Variants in PCDH11Y observed in about 807,000 individuals in gnomAD.
The protein encoded by PCDH11Y is protocadherin 11 Y-linked, also known as protocadherin-11 Y-linked.
For missense variants in PCDH11Y, 12 were observed against 224.8 expected (o/e 0.05, Z 6.05); for synonymous variants, 9 against 83.6 (o/e 0.11, Z 4.87).
chrY:5,488,420 G>A, intron 2 of PCDH11Y, among the ~76,000 whole-genome samples: 1 of 33,182 alleles, frequency 3.0e-5, no homozygotes, highest in African/African-American at 1.2e-4. Context: ...GCTAATGGCA[G>A]TTTTCAAAGT....
intron 2 of PCDH11Y, among the ~76,000 whole-genome samples, chrY:5,123,162 GCTGGGCCTTGCATAAAA>G (rs2052820996): frequency 9.4e-5 from 3 of 32,028 alleles, no homozygotes; most frequent in African/African-American, 3.7e-4. Context: ...CTTTTTAGCT[GCTGGGCCTTGCATAAAA>G]CTGTTTAAGA....
intron 2 of PCDH11Y, among the ~76,000 whole-genome samples, chrY:5,302,207 GAGGAAGGAAGGA>G (rs767610156): frequency 1.5e-4 from 3 of 19,975 alleles, no homozygotes; most frequent in African/African-American, 2.1e-4. Flanking sequence ...GGAAGGAAGG[GAGGAAGGAAGGA>G]AGGAAGGAAG....
At chrY:5,573,333 G>A in intron 3 of PCDH11Y, 1 of 276,043 alleles carries the variant, frequency 3.6e-6, no homozygotes, top group Non-Finnish European at 5.5e-6. Flanking sequence ...TGGGGGCCTG[G>A]CCGCGGGGAT....
intron 2 of PCDH11Y, among the ~76,000 whole-genome samples, chrY:5,152,920 G>T: frequency 3.4e-4 from 11 of 31,902 alleles, no homozygotes. Context: ...ACATTTCTTT[G>T]TGTCTGTTAT....
chrY:5,034,684 C>A lies in PCDH11Y; in HGVS notation c.32+1956C>A, dbSNP rs369406917. On this transcript the variant is annotated intron_variant, in intron 3 of 5. Transcript: ENST00000333703. The stretch of plus-strand genomic sequence containing the variant: ...GTTTCCATTTTAAAGTTAAAAAAAA[C>A]CAAAACTGATTGCTCTAAGACTTTT... Among the ~76,000 whole-genome samples, 65 of 32,761 alleles carry A rather than the reference C, an allele frequency of 2.0e-3. No homozygotes were observed. In the South Asian group the frequency reaches 0.026, roughly 13 times the overall value. 87.9% of individuals were successfully genotyped at this position (32,761 alleles called of 37,273 possible). A position where few individuals can be genotyped will look rare whatever the true frequency, so the allele number is the denominator to read the frequency against.
intron 2 of PCDH11Y, among the ~76,000 whole-genome samples, chrY:5,173,457 G>T: frequency 3.1e-5 from 1 of 32,163 alleles, no homozygotes. Context: ...GTGACAAAAA[G>T]AATTCTAATA....
chrY:5,384,022 A>G (rs2124674652), intron 2 of PCDH11Y, among the ~76,000 whole-genome samples: 1 of 33,871 alleles, frequency 3.0e-5, no homozygotes, highest in South Asian at 6.4e-4. Flanking sequence ...ACATATTACA[A>G]AAATATCTTA....
intron 3 of PCDH11Y, among the ~76,000 whole-genome samples, chrY:5,512,322 T>TA (rs2053366444): frequency 3.3e-5 from 1 of 30,733 alleles, no homozygotes. Context: ...ACTAAAAATA[T>TA]AAAAAATTAG....
chrY:5,720,567 A>T (rs1602964027), intron 4 of PCDH11Y, among the ~76,000 whole-genome samples: 13 of 31,671 alleles, frequency 4.1e-4, no homozygotes, highest in East Asian at 8.2e-4. Flanking sequence ...AAAAAAAAAA[A>T]ATATTAAACA....
chrY:5,358,064 G>A, intron 2 of PCDH11Y, among the ~76,000 whole-genome samples: 1 of 33,153 alleles, frequency 3.0e-5, no homozygotes, highest in African/African-American at 1.2e-4. Context: ...CGCCTCCCGA[G>A]TAGCTGGGAT....
At chrY:5,486,685 A>ATATATATG (rs2053331968) in intron 2 of PCDH11Y, among the ~76,000 whole-genome samples, 14 of 7,753 alleles carry the variant, frequency 1.8e-3, no homozygotes, top group Admixed American at 0.017. Flanking sequence ...ATATATATAT[A>ATATATATG]TATATATATA....
chrY:5,703,810 A>T, intron 4 of PCDH11Y, among the ~76,000 whole-genome samples: 1 of 30,570 alleles, frequency 3.3e-5, no homozygotes, highest in African/African-American at 1.3e-4. Flanking sequence ...AGTAATCATG[A>T]CAACTCATTT....
intron 4 of PCDH11Y, among the ~76,000 whole-genome samples, chrY:5,637,199 G>T (rs1467888021): frequency 9.4e-3 from 316 of 33,490 alleles, no homozygotes; most frequent in South Asian, 0.055. Context: ...CTTGCTCTAA[G>T]ATGATAGATT....
intron 3 of PCDH11Y, among the ~76,000 whole-genome samples, chrY:5,558,601 G>GA (rs35504499): frequency 3.6e-5 from 1 of 27,596 alleles, no homozygotes; most frequent in Non-Finnish European, 8.5e-5. Flanking sequence ...CAACTTGCTT[G>GA]AAAAAAAAAT....
chrY:5,517,552 TTGTC>T (rs2053373711), intron 3 of PCDH11Y, among the ~76,000 whole-genome samples: 1 of 33,180 alleles, frequency 3.0e-5, no homozygotes, highest in Admixed American at 2.7e-4. Context: ...TCTTTCAACA[TTGTC>T]TGTCTACTGA....
intron 2 of PCDH11Y, among the ~76,000 whole-genome samples, chrY:5,240,144 C>CT (rs2052986513): frequency 5.9e-5 from 2 of 33,930 alleles, no homozygotes; most frequent in South Asian, 6.5e-4. Context: ...CAAGAAACCA[C>CT]TTTTTTATCA....
chrY:5,333,432 C>G, intron 2 of PCDH11Y, among the ~76,000 whole-genome samples: 1 of 33,205 alleles, frequency 3.0e-5, no homozygotes, highest in East Asian at 8.0e-4. Context: ...ATACTGTAAC[C>G]GCCCAACGGG....
chrY:5,682,239 G>GT (rs1201360365), intron 4 of PCDH11Y, among the ~76,000 whole-genome samples: 7 of 2,428 alleles, frequency 2.9e-3, no homozygotes, highest in Non-Finnish European at 6.3e-3. Context: ...TTGGTACCGT[G>GT]TTTTTTTTTT....
chrY:5,112,609 G>A (rs2124638944), intron 2 of PCDH11Y, among the ~76,000 whole-genome samples: 1 of 33,189 alleles, frequency 3.0e-5, no homozygotes, highest in Admixed American at 2.8e-4. Flanking sequence ...CTATGGTATG[G>A]ATTTACCATA....
Sources: allele counts gnomAD v4.1 joint callset (sites outside exome capture counted in the v4.1 genomes callset), GRCh38; gene constraint gnomAD v4.1.1; transcripts MANE v1.5; gene names NCBI Gene and HGNC (gene_info 2026-07-23, HGNC 2026-07-21).